The following LUZP2 variants were observed in gnomAD, a reference collection of about 807,000 sequenced individuals.
The protein encoded by LUZP2 is leucine zipper protein 2.
In LUZP2, 52 loss-of-function variants were observed where a neutral mutation model predicts 51.6. The observed-to-expected ratio is 1.01, with a 90% confidence interval of 0.81 to 1.27. The LOEUF (loss-of-function observed/expected upper bound fraction) is 1.27. Among genes scored for constraint, LUZP2 ranks in the 50% most tolerant of loss-of-function variants. The pLI, the probability that LUZP2 is intolerant of heterozygous loss-of-function variation, is 0.00. For synonymous variants in LUZP2, 154 were observed against 137.3 expected, an observed-to-expected ratio of 1.12 and a Z score of -0.85; for missense variants, 436 against 395.4, an observed-to-expected ratio of 1.10 and a Z score of -0.87.
intron 1 of LUZP2, among the ~76,000 whole-genome samples, chr11:24,710,734 A>G (rs895361620): frequency 6.6e-6 from 1 of 151,800 alleles, no homozygotes; most frequent in Non-Finnish European, 1.5e-5. Flanking sequence ...TGAACTTAAT[A>G]CATGTCTTCA....
chr11:24,795,438 A>G (rs1245205568), intron 5 of LUZP2, among the ~76,000 whole-genome samples: 3 of 152,168 alleles, frequency 2.0e-5, no homozygotes, highest in Non-Finnish European at 4.4e-5. Flanking sequence ...AATAGCAATA[A>G]TAATGAACAA....
intron 7 of LUZP2, among the ~76,000 whole-genome samples, chr11:24,939,657 CTATT>C (rs1461053135): frequency 6.6e-6 from 1 of 152,034 alleles, no homozygotes; most frequent in East Asian, 1.9e-4. Flanking sequence ...ACACGAATCA[CTATT>C]TAATAAATTG....
chr11:24,758,370 A>C (rs182368939), intron 4 of LUZP2, among the ~76,000 whole-genome samples: 1 of 151,546 alleles, frequency 6.6e-6, no homozygotes, highest in Non-Finnish European at 1.5e-5. Flanking sequence ...TGTGTATATC[A>C]TGAATATTTT....
chr11:24,987,121 G>T (rs554753736), intron 9 of LUZP2, among the ~76,000 whole-genome samples: 1 of 151,872 alleles, frequency 6.6e-6, no homozygotes, highest in Non-Finnish European at 1.5e-5. Context: ...ATTAGCATAT[G>T]TTGTGGTGCC....
At chr11:24,666,432 C>T (rs949555869) in intron 1 of LUZP2, among the ~76,000 whole-genome samples, 2 of 151,964 alleles carry the variant, frequency 1.3e-5, no homozygotes, top group East Asian at 3.9e-4. Context: ...GAAAATTATA[C>T]TATATGATTT....
intron 9 of LUZP2, among the ~76,000 whole-genome samples, chr11:25,041,037 C>G (rs1016989866): frequency 6.6e-6 from 1 of 152,080 alleles, no homozygotes; most frequent in Non-Finnish European, 1.5e-5. Context: ...TGTGTCCTTT[C>G]TCTCTGGAAC....
rs185764328 is a variant in LUZP2, at chr11:24,855,880, A to G, written c.397-50111A>G. Among the ~76,000 whole-genome samples, 278 of 152,294 alleles carry G rather than the reference A, an allele frequency of 1.8e-3. 1 individual carries two copies. The highest frequency in any genetic ancestry group is 5.3e-3 in the Admixed American group (81 of 15,300). Reference sequence around the variant, plus strand: ...GCAGAAAGGACAAACTTTTCAATAAATGGTGCTGGGAAAAATTGGATTGTC... The same window carrying G: ...GCAGAAAGGACAAACTTTTCAATAAGTGGTGCTGGGAAAAATTGGATTGTC... On this transcript the variant is annotated intron_variant, in intron 5 of 11. Transcript: ENST00000336930.
intron 9 of LUZP2, among the ~76,000 whole-genome samples, chr11:25,048,050 A>C (rs1387839036): frequency 6.6e-6 from 1 of 152,090 alleles, no homozygotes; most frequent in Non-Finnish European, 1.5e-5. Flanking sequence ...ACCTCAAGAG[A>C]TCCTCCAGCC....
intron 7 of LUZP2, among the ~76,000 whole-genome samples, chr11:24,974,023 G>T (rs1855819621): frequency 6.6e-6 from 1 of 152,132 alleles, no homozygotes; most frequent in Non-Finnish European, 1.5e-5. Context: ...GTCTAATATT[G>T]TCAGTGGGGT....
intron 1 of LUZP2, among the ~76,000 whole-genome samples, chr11:24,668,170 A>C (rs1401681361): frequency 6.6e-6 from 1 of 152,208 alleles, no homozygotes; most frequent in African/African-American, 2.4e-5. Flanking sequence ...TTATTACAGA[A>C]AAAGTGTGGT....
chr11:24,980,907 CAG>C (rs1488350674), intron 8 of LUZP2, among the ~76,000 whole-genome samples: 2 of 151,704 alleles, frequency 1.3e-5, no homozygotes, highest in Non-Finnish European at 2.9e-5. Flanking sequence ...TTGTGATAAA[CAG>C]GGCATTTTCA....
At chr11:24,920,012 GTAAAA>G (rs1322886103) in intron 7 of LUZP2, among the ~76,000 whole-genome samples, 2 of 151,756 alleles carry the variant, frequency 1.3e-5, no homozygotes, top group African/African-American at 4.8e-5. Flanking sequence ...AGATTATAAA[GTAAAA>G]TGATTATTTT....
intron 1 of LUZP2, among the ~76,000 whole-genome samples, chr11:24,667,578 G>A (rs1482415023): frequency 2.0e-5 from 3 of 152,154 alleles, no homozygotes; most frequent in African/African-American, 7.2e-5. Flanking sequence ...GGAGCTGAGT[G>A]GGGAGAAAGC....
intron 1 of LUZP2, among the ~76,000 whole-genome samples, chr11:24,605,304 G>A (rs1370047762): frequency 6.6e-6 from 1 of 151,570 alleles, no homozygotes; most frequent in Admixed American, 6.6e-5. Flanking sequence ...TTAAACTCAA[G>A]AAATTAAATA....
intron 10 of LUZP2, among the ~76,000 whole-genome samples, chr11:25,064,445 ACTT>A (rs1210248795): frequency 1.3e-5 from 2 of 152,024 alleles, no homozygotes; most frequent in African/African-American, 2.4e-5. Context: ...CAGCATGTAA[ACTT>A]CTTTTTTTAA....
chr11:24,509,278 C>T (rs947786280), intron 1 of LUZP2, among the ~76,000 whole-genome samples: 1 of 151,934 alleles, frequency 6.6e-6, no homozygotes, highest in Non-Finnish European at 1.5e-5. Flanking sequence ...CTTAGAAAGT[C>T]GTTTGGCTGG....
intron 1 of LUZP2, among the ~76,000 whole-genome samples, chr11:24,639,717 C>T (rs1855219139): frequency 6.6e-6 from 1 of 151,890 alleles, no homozygotes; most frequent in Non-Finnish European, 1.5e-5. Context: ...TCCCAAAGTG[C>T]TGGGATTACA....
chr11:24,685,742 T>C (rs1364921947), intron 1 of LUZP2, among the ~76,000 whole-genome samples: 2 of 152,198 alleles, frequency 1.3e-5, no homozygotes, highest in African/African-American at 2.4e-5. Context: ...CTAAGAAATA[T>C]TTCAGGACAG....
In LUZP2 at chr11:24,960,697, G is replaced by A. The variant is rs1332256665; in HGVS notation, c.523-15894G>A. Among the ~76,000 whole-genome samples the A allele has an allele frequency of 2.6e-5, 4 of 152,068 alleles. 1 individual carries two copies. The highest frequency in any genetic ancestry group is 2.0e-4 in the Admixed American group (3 of 15,264). ...TTTTCTTGAGCCTTTCAAAAAACCA[G>A]CTCCTGGATTCATTAATTTTTTGAA... is the stretch of plus-strand genomic sequence containing the variant. On this transcript the variant is annotated intron_variant, in intron 7 of 11. Transcript: ENST00000336930.
Sources: allele counts gnomAD v4.1 joint callset (sites outside exome capture counted in the v4.1 genomes callset), GRCh38; gene constraint gnomAD v4.1.1; transcripts MANE v1.5; gene names NCBI Gene and HGNC (gene_info 2026-07-23, HGNC 2026-07-21).